C16orf87: variants seen among roughly 807,000 people sequenced by gnomAD.
C16orf87 encodes the protein HDAC and MIER1 interacting protein 1, also known as UPF0547 protein C16orf87.
In C16orf87, 13 loss-of-function variants were observed where a neutral mutation model predicts 21.0. The observed-to-expected ratio is 0.62, with a 90% CI of 0.40 to 0.98. The LOEUF (loss-of-function observed/expected upper bound fraction) is 0.98. C16orf87 is among the 50% of genes least tolerant of loss of function. The probability of loss-of-function intolerance (pLI) is 0.00; values close to 1 mark genes in which losing one functional copy is unlikely to be tolerated. For missense variants in C16orf87, 113 were observed against 180.4 expected, an observed-to-expected ratio of 0.63 and a Z score of 2.14; for synonymous variants, 49 against 60.2, an observed-to-expected ratio of 0.81 and a Z score of 0.86.
rs908054330 is a variant in C16orf87, at chr16:46,802,686, GT to G, written c.*265del. On this transcript the variant is annotated 3_prime_UTR_variant, in exon 4 of 4. Coordinates refer to ENST00000285697, the MANE Select transcript of C16orf87 (RefSeq NM_001001436.4). ...TAACATCCATCCAGCATTTTTGTTG[GT>G]TTTTTTTTGTTGTTGGCAAATACAC... The G allele has an allele frequency of 6.1e-4, 158 of 257,242 alleles. No individual in the cohort carries two copies. Among genetic ancestry groups the G allele is most frequent in the East Asian group, 9.6e-4 (13 of 13,498 alleles). 15.9% of individuals were successfully genotyped at this position (257,242 alleles called of 1,614,324 possible).
intron 2 of C16orf87, among the ~76,000 whole-genome samples, chr16:46,817,465 T>A (rs1040216723): frequency 6.6e-6 from 1 of 151,966 alleles, no homozygotes; most frequent in Admixed American, 6.6e-5. Flanking sequence ...GGCGGGCAGC[T>A]CCACCTGAGG....
intron 2 of C16orf87, among the ~76,000 whole-genome samples, chr16:46,815,289 TA>T (rs1406572672): frequency 6.6e-6 from 1 of 151,422 alleles, no homozygotes; most frequent in Non-Finnish European, 1.5e-5. Flanking sequence ...TAAAACTGTT[TA>T]AAAAATCATG....
chr16:46,828,386 T>A (rs555670307), intron 1 of C16orf87, among the ~76,000 whole-genome samples: 46 of 152,214 alleles, frequency 3.0e-4, no homozygotes, highest in East Asian at 3.9e-4. Flanking sequence ...CTATTTTTTT[T>A]AAAAATGAAG....
chr16:46,803,175 A>C, intron 3 of C16orf87, 105 bp from the exon 4 acceptor site: 1 of 510,880 alleles, frequency 2.0e-6, no homozygotes, highest in East Asian at 3.2e-5. Flanking sequence ...ATTATATATA[A>C]TACTACAATA....
At position 46,798,825 on chromosome 16, in the gene C16orf87, T is replaced by C. The variant is rs1967694148; in HGVS notation, c.*4127A>G. ...GGGAGAAAAAAGGTCCTATCAATTA[T>C]GCAGAAAAAGCATCTGACAAAATTC... On this transcript the variant is annotated 3_prime_UTR_variant, in exon 4 of 4. Transcript: ENST00000285697. 6.6e-6 allele frequency: 1 copy of C among 152,014 alleles called. No homozygotes were observed. The highest frequency in any genetic ancestry group is 6.6e-5 in the Admixed American group (1 of 15,242). 9.4% of individuals were successfully genotyped at this position (152,014 alleles called of 1,614,324 possible).
At position 46,831,156 on chromosome 16, in the gene C16orf87, C is replaced by T. The variant is rs372335415; in HGVS notation, c.-7G>A. Reference sequence around the variant, plus strand: ...TGGCTCGAGTTGCAGACATGCTCCTCTCCCTTAGCGGCGGCAGCAGCGACG... The same window carrying T: ...TGGCTCGAGTTGCAGACATGCTCCTTTCCCTTAGCGGCGGCAGCAGCGACG... On this transcript the variant is annotated 5_prime_UTR_variant, in exon 1 of 4. Transcript: ENST00000285697. The T allele has an allele frequency of 3.2e-6, 5 of 1,568,260 alleles. No individual in the cohort carries two copies. Among genetic ancestry groups the T allele is most frequent in the South Asian group, 1.1e-5 (1 of 87,060 alleles).
rs1596796465 is a variant in C16orf87, at chr16:46,798,890, TAA to T, written c.*4060_*4061del. The T allele has an allele frequency of 1.3e-5, 2 of 151,708 alleles. No homozygotes were observed. Among genetic ancestry groups the T allele is most frequent in the Admixed American group, 1.3e-4 (2 of 15,220 alleles). The allele number at this position is 151,708 out of a possible 1,614,324, so 9.4% of individuals were successfully genotyped here. A position where few individuals can be genotyped will look rare whatever the true frequency, so the allele number is the denominator to read the frequency against. ...ACAGAAAACTTCCAACAAGCAGAAA[TAA>T]AAGAGTCTACCCTCAATCTACTAAA... is the stretch of plus-strand genomic sequence containing the variant. On this transcript the variant is annotated 3_prime_UTR_variant, in exon 4 of 4. Coordinates refer to ENST00000285697, the MANE Select transcript of C16orf87 (RefSeq NM_001001436.4).
rs151004230 is a variant in C16orf87, at chr16:46,816,146, T to G, written c.164-6361A>C. ...TAAGCCAGACATAAAAGTACAAATA[T>G]TGTATGATTCCACTTACATGAGATG... On this transcript the variant is annotated intron_variant, in intron 2 of 3. Coordinates refer to ENST00000285697, the MANE Select transcript of C16orf87 (RefSeq NM_001001436.4). Among the ~76,000 whole-genome samples, 522 of 152,310 alleles carry G rather than the reference T, an allele frequency of 3.4e-3. 2 individuals are homozygous for G. Among genetic ancestry groups the G allele is most frequent in the African/African-American group, 0.012 (496 of 41,572 alleles).
chr16:46,820,914 C>T (rs973979369), intron 2 of C16orf87, among the ~76,000 whole-genome samples: 4 of 152,198 alleles, frequency 2.6e-5, no homozygotes, highest in Non-Finnish European at 5.9e-5. Flanking sequence ...CATTTTGTTT[C>T]AACCGCATTT....
At chr16:46,824,309 T>C (rs878983655) in intron 2 of C16orf87, 77 bp downstream of exon 2, 2 of 718,150 alleles carry the variant, frequency 2.8e-6, no homozygotes, top group Non-Finnish European at 4.8e-6. Context: ...CAACAAAAAA[T>C]GTAAATAGAA....
At chr16:46,816,078 T>C (rs1968229798) in intron 2 of C16orf87, among the ~76,000 whole-genome samples, 1 of 152,200 alleles carries the variant, frequency 6.6e-6, no homozygotes, top group African/African-American at 2.4e-5. Flanking sequence ...GTCATGCATG[T>C]TACAACATGA....
chr16:46,815,060 C>T (rs1968199287), intron 2 of C16orf87, among the ~76,000 whole-genome samples: 1 of 152,070 alleles, frequency 6.6e-6, no homozygotes. Context: ...AAACCTCAGA[C>T]ATAAACACAC....
In C16orf87 at chr16:46,796,613, C is replaced by T. The variant is rs545118176; in HGVS notation, c.*6339G>A. On this transcript the variant is annotated 3_prime_UTR_variant, in exon 4 of 4. Transcript: ENST00000285697. ...AAGTATACATGATAATGCATATGTT[C>T]ATTATCTTTACTTTAGACATCCTAC... 6.6e-6 allele frequency: 1 copy of T among 152,162 alleles called. No individual in the cohort carries two copies. The highest frequency in any genetic ancestry group is 2.1e-4 in the South Asian group (1 of 4,826). 9.4% of individuals were successfully genotyped at this position (152,162 alleles called of 1,614,324 possible).
intron 2 of C16orf87, among the ~76,000 whole-genome samples, chr16:46,811,946 C>G (rs1968098674): frequency 6.6e-6 from 1 of 152,070 alleles, no homozygotes; most frequent in South Asian, 2.1e-4. Flanking sequence ...AAGCGACACC[C>G]TGTTCTTAAA....
At chr16:46,808,530 A>T (rs1254348306) in intron 3 of C16orf87, among the ~76,000 whole-genome samples, 4 of 152,244 alleles carry the variant, frequency 2.6e-5, no homozygotes, top group Non-Finnish European at 5.9e-5. Context: ...CAAATAGTGT[A>T]AGAAATTAAA....
intron 3 of C16orf87, among the ~76,000 whole-genome samples, chr16:46,808,288 C>T (rs1223320052): frequency 1.3e-5 from 2 of 152,196 alleles, no homozygotes; most frequent in African/African-American, 2.4e-5. Flanking sequence ...AACCTTACTC[C>T]TTTAGCCATA....
In C16orf87 at chr16:46,798,874, T is replaced by G. The variant is rs1394791635; in HGVS notation, c.*4078A>C. 5 of 151,968 alleles carry G rather than the reference T, an allele frequency of 3.3e-5. No individual in the cohort carries two copies. Among genetic ancestry groups the G allele is most frequent in the African/African-American group, 1.2e-4 (5 of 41,376 alleles). 9.4% of individuals were successfully genotyped at this position (151,968 alleles called of 1,614,324 possible). On this transcript the variant is annotated 3_prime_UTR_variant, in exon 4 of 4. Transcript: ENST00000285697. The stretch of plus-strand genomic sequence containing the variant: ...TCAACATCTGTTCCTGACAGAAAAC[T>G]TCCAACAAGCAGAAATAAAAGAGTC...
Position 46,813,478 on chromosome 16 carries a change from T to TAA in C16orf87, c.164-3695_164-3694dup, listed in dbSNP as rs35686982. Among the ~76,000 whole-genome samples the TAA allele has an allele frequency of 6.8e-3, 931 of 137,450 alleles. 5 individuals are homozygous for TAA. Among genetic ancestry groups the TAA allele is most frequent in the African/African-American group, 0.015 (568 of 36,970 alleles). 90.2% of individuals were successfully genotyped at this position (137,450 alleles called of 152,430 possible). A position where few individuals can be genotyped will look rare whatever the true frequency, so the allele number is the denominator to read the frequency against. On this transcript the variant is annotated intron_variant, in intron 2 of 3. Transcript: ENST00000285697. ...CTCTACGTACCAGCCAATATTATCT[T>TAA]AAAAAAAAAAAAAAAAAAATCAAAC...
At chr16:46,824,586 G>A (rs1426774773) in intron 1 of C16orf87, 104 bp from the exon 2 acceptor site, 3 of 493,624 alleles carry the variant, frequency 6.1e-6, no homozygotes, top group Non-Finnish European at 1.1e-5. Context: ...ACTTGAAGGA[G>A]GAATCATGTA....
Sources: allele counts gnomAD v4.1 joint callset (sites outside exome capture counted in the v4.1 genomes callset), GRCh38; gene constraint gnomAD v4.1.1; transcripts MANE v1.5; gene names NCBI Gene and HGNC (gene_info 2026-07-23, HGNC 2026-07-21).